The following CYP4Z1 variants were observed in gnomAD, a reference collection of about 807,000 sequenced individuals.
CYP4Z1 encodes cytochrome P450 4Z1.
Under a neutral mutation model 54.2 loss-of-function variants are expected in CYP4Z1, and 41 were observed. The ratio of observed to expected loss-of-function variants is 0.76; its 90% CI spans 0.59 to 0.98. The LOEUF is 0.98. Among genes scored for constraint, CYP4Z1 ranks in the 50% least tolerant of loss-of-function variants. CYP4Z1 has a pLI of 0.00. For missense variants in CYP4Z1, 513 were observed against 599.0 expected, an observed-to-expected ratio of 0.86 and a Z score of 1.50; for synonymous variants, 163 against 206.2, an observed-to-expected ratio of 0.79 and a Z score of 1.79.
At chr1:47,056,380 A>G in the CYP4Z1 span, among the ~76,000 whole-genome samples, 2 of 152,120 alleles carry the variant, frequency 1.3e-5, no homozygotes, top group African/African-American at 4.8e-5. Flanking sequence ...GTGGTGCTGA[A>G]AAGAATGTAT....
Position 47,068,778 on chromosome 1 carries a change from G to T in CYP4Z1, c.319+15G>T. 2 of 1,613,318 alleles carry T rather than the reference G, an allele frequency of 1.2e-6. No individual in the cohort carries two copies. The highest frequency in any genetic ancestry group is 1.7e-6 in the Non-Finnish European group (2 of 1,179,650). On this transcript the variant is annotated intron_variant, in intron 2 of 11. Coordinates refer to ENST00000334194, the MANE Select transcript of CYP4Z1 (RefSeq NM_178134.3). The stretch of plus-strand genomic sequence containing the variant: ...GAAAAGACAAGGTAAAAACCAAGAG[G>T]GGCTCACAGTACAGAGCAGCAACAA...
At chr1:47,058,853 CA>C in the CYP4Z1 span, among the ~76,000 whole-genome samples, 2 of 152,220 alleles carry the variant, frequency 1.3e-5, no homozygotes, top group Non-Finnish European at 2.9e-5. Context: ...CAGGCAGAGA[CA>C]GGGGCCTATG....
rs774613224 is a variant in CYP4Z1, at chr1:47,094,551, A to G, written c.773-15A>G. On this transcript the variant is annotated splice_polypyrimidine_tract_variant and intron_variant, in intron 6 of 11. Coordinates refer to ENST00000334194, the MANE Select transcript of CYP4Z1 (RefSeq NM_178134.3). Reference sequence around the variant, plus strand: ...TAACCTTGATAATAACAAAGATCATAATTTTTCCATCTAGAGAAAGTAATC... The same window carrying G: ...TAACCTTGATAATAACAAAGATCATGATTTTTCCATCTAGAGAAAGTAATC... The G allele has an allele frequency of 6.8e-7, 1 of 1,479,036 alleles. No homozygotes were observed. Among genetic ancestry groups the G allele is most frequent in the Non-Finnish European group, 9.3e-7 (1 of 1,078,624 alleles). The allele number at this position is 1,479,036 out of a possible 1,614,324, so 91.6% of individuals were successfully genotyped here. A position where few individuals can be genotyped will look rare whatever the true frequency, so the allele number is the denominator to read the frequency against.
chr1:47,066,382 T>C (rs1230860355), upstream of CYP4Z1, among the ~76,000 whole-genome samples: 1 of 152,152 alleles, frequency 6.6e-6, no homozygotes, highest in Non-Finnish European at 1.5e-5. Context: ...AGTCAATAAA[T>C]GTGATACACC....
intron 9 of CYP4Z1, among the ~76,000 whole-genome samples, chr1:47,109,175 A>G (rs1286429544): frequency 6.6e-6 from 1 of 152,250 alleles, no homozygotes; most frequent in Non-Finnish European, 1.5e-5. Context: ...ATAATCCCAT[A>G]AAAGTGAAAA....
chr1:47,086,530 T>G (rs573665473), intron 6 of CYP4Z1, among the ~76,000 whole-genome samples: 97 of 152,368 alleles, frequency 6.4e-4, no homozygotes, highest in African/African-American at 2.3e-3. Flanking sequence ...TGCCCACTTT[T>G]TGATGGGGTT....
chr1:47,107,190 C>T (rs1298600787), intron 9 of CYP4Z1, among the ~76,000 whole-genome samples: 1 of 152,154 alleles, frequency 6.6e-6, no homozygotes, highest in Non-Finnish European at 1.5e-5. Context: ...TTTTATCCAC[C>T]CATCCTCCTG....
rs1020879656 is a variant in CYP4Z1, at chr1:47,078,594, T to C, written c.320-2029T>C. ...TGTGCATAGGCCATACTTCCTTGTT[T>C]CTTTTACATGATTTGTAATTTTTTT... is the stretch of plus-strand genomic sequence containing the variant. On this transcript the variant is annotated intron_variant, in intron 2 of 11. Coordinates refer to ENST00000334194, the MANE Select transcript of CYP4Z1 (RefSeq NM_178134.3). Among the ~76,000 whole-genome samples the C allele has an allele frequency of 2.2e-5, 3 of 135,976 alleles. No homozygotes were observed. The Admixed American group carries it at 2.3e-4, about 11-fold the overall frequency. The allele number at this position is 135,976 out of a possible 152,430, so 89.2% of individuals were successfully genotyped here. A position where few individuals can be genotyped will look rare whatever the true frequency, so the allele number is the denominator to read the frequency against.
At position 47,096,254 on chromosome 1, in the gene CYP4Z1, T is replaced by C. The variant is rs56291439; in HGVS notation, c.876+1585T>C. The stretch of plus-strand genomic sequence containing the variant: ...GCAACATAGCAAGACCCCAACTCTA[T>C]AAAAAATTTAAAAATTATCCAGGTG... On this transcript the variant is annotated intron_variant, in intron 7 of 11. Coordinates refer to ENST00000334194, the MANE Select transcript of CYP4Z1 (RefSeq NM_178134.3). Among the ~76,000 whole-genome samples the C allele has an allele frequency of 6.3e-3, 953 of 152,150 alleles. 10 individuals carry two copies. The highest frequency in any genetic ancestry group is 0.021 in the African/African-American group (859 of 41,518).
intron 2 of CYP4Z1, among the ~76,000 whole-genome samples, chr1:47,077,644 A>C (rs1263599304): frequency 6.6e-6 from 1 of 151,728 alleles, no homozygotes; most frequent in Admixed American, 6.6e-5. Context: ...TTTTAGAGAC[A>C]GGGTCTTGCT....
chr1:47,113,711 T>C (rs946645576), intron 9 of CYP4Z1, among the ~76,000 whole-genome samples: 1 of 152,096 alleles, frequency 6.6e-6, no homozygotes, highest in Non-Finnish European at 1.5e-5. Flanking sequence ...TCAAGGAGAA[T>C]AAAATATCTA....
At chr1:47,093,426 T>C (rs1349198130) in intron 6 of CYP4Z1, among the ~76,000 whole-genome samples, 14 of 152,362 alleles carry the variant, frequency 9.2e-5, no homozygotes, top group African/African-American at 3.4e-4. Context: ...GTGTCATTCC[T>C]CTTTTCACTT....
intron 2 of CYP4Z1, among the ~76,000 whole-genome samples, chr1:47,068,984 A>G (rs1644472799): frequency 6.6e-6 from 1 of 152,226 alleles, no homozygotes. Context: ...TTCTCTCCCT[A>G]CATGGCAAAT....
upstream of CYP4Z1, among the ~76,000 whole-genome samples, chr1:47,062,624 C>T (rs1050951968): frequency 6.6e-6 from 1 of 152,064 alleles, no homozygotes; most frequent in African/African-American, 2.4e-5. Context: ...GCCATAATAC[C>T]CCTGGGAATA....
At chr1:47,114,716 C>A (rs555031255) in intron 9 of CYP4Z1, among the ~76,000 whole-genome samples, 1 of 152,284 alleles carries the variant, frequency 6.6e-6, no homozygotes, top group African/African-American at 2.4e-5. Flanking sequence ...CACTGGCCAT[C>A]AGAGAAATGC....
rs76067264 is a variant in CYP4Z1, at chr1:47,101,618, A to G, written c.1067+2334A>G. Among the ~76,000 whole-genome samples, 848 of 152,246 alleles carry G rather than the reference A, an allele frequency of 5.6e-3. 5 individuals are homozygous for G. The highest frequency in any genetic ancestry group is 0.019 in the African/African-American group (795 of 41,564). On this transcript the variant is annotated intron_variant, in intron 8 of 11. Coordinates refer to ENST00000334194, the MANE Select transcript of CYP4Z1 (RefSeq NM_178134.3). ...CCTTTGTGGTCTAAGAAGACAATTC[A>G]TATGATTTTAATTTTTTAAAAATGT...
rs2148544845 is a variant in CYP4Z1 at position 47,117,991 on chromosome 1, A to G, written c.*57A>G. On this transcript the variant is annotated 3_prime_UTR_variant, in exon 12 of 12. Coordinates refer to ENST00000334194, the MANE Select transcript of CYP4Z1 (RefSeq NM_178134.3). ...ACAATTTTCCTACCAAAGGAAGAAC[A>G]AAAGGATAAATATAATACAAAATAT... The G allele has an allele frequency of 6.6e-7, 1 of 1,526,574 alleles. No homozygotes were observed. Among genetic ancestry groups the G allele is most frequent in the Non-Finnish European group, 9.0e-7 (1 of 1,114,646 alleles). 94.6% of individuals were successfully genotyped at this position (1,526,574 alleles called of 1,614,324 possible). A position where few individuals can be genotyped will look rare whatever the true frequency, so the allele number is the denominator to read the frequency against.
At chr1:47,069,526 C>G (rs1454236383) in intron 2 of CYP4Z1, among the ~76,000 whole-genome samples, 2 of 151,672 alleles carry the variant, frequency 1.3e-5, no homozygotes, top group East Asian at 3.9e-4. Context: ...AAATGTCTGG[C>G]TATCCAGTTT....
At chr1:47,117,314 TCA>T (rs1644837488) in intron 11 of CYP4Z1, among the ~76,000 whole-genome samples, 2 of 152,282 alleles carry the variant, frequency 1.3e-5, no homozygotes, top group African/African-American at 4.8e-5. Context: ...TTGATAGAAC[TCA>T]CTACCACTTA....
Sources: gnomAD v4.1 joint callset for allele counts (sites outside exome capture counted in the v4.1 genomes callset) on GRCh38, gnomAD v4.1.1 for gene constraint, MANE v1.5 for transcripts, NCBI Gene and HGNC (gene_info 2026-07-23, HGNC 2026-07-21) for gene names.